The following DAB2 variants were observed in gnomAD, a reference collection of about 807,000 sequenced individuals.
The protein encoded by DAB2 is disabled homolog 2.
DAB2 carries 28 observed loss-of-function variants against 71.6 expected under a neutral mutation model. The observed-to-expected ratio is 0.39, with a 90% CI of 0.29 to 0.54. DAB2 has a LOEUF of 0.54. Ranked by LOEUF, DAB2 falls within the 20% of genes least tolerant of loss-of-function variation. The pLI is 0.68. For missense variants in DAB2, 867 were observed against 928.8 expected, an observed-to-expected ratio of 0.93 and a Z score of 0.86; for synonymous variants, 345 against 339.7, an observed-to-expected ratio of 1.02 and a Z score of -0.17.
intron 14 of DAB2, 98 bp downstream of exon 14, chr5:39,374,916 C>T (rs569644664): frequency 3.5e-4 from 271 of 783,774 alleles, no homozygotes; most frequent in Non-Finnish European, 4.9e-4. Flanking sequence ...AGATATTTAC[C>T]CTCTTCCCAA....
chr5:39,377,329 A>G (rs1754858641), intron 11 of DAB2, 47 bp from the exon 12 acceptor site: 2 of 1,557,768 alleles, frequency 1.3e-6, no homozygotes, highest in African/African-American at 1.4e-5. Flanking sequence ...AAGCTTGAAG[A>G]AGATTCTTGA....
At chr5:39,421,875 G>C (rs1176734803) in intron 1 of DAB2, among the ~76,000 whole-genome samples, 1 of 148,344 alleles carries the variant, frequency 6.7e-6, no homozygotes, top group Non-Finnish European at 1.5e-5. Context: ...TGGCCAACAT[G>C]GTGAAACCCC....
intron 1 of DAB2, among the ~76,000 whole-genome samples, chr5:39,411,673 G>A (rs1316896502): frequency 6.6e-6 from 1 of 152,182 alleles, no homozygotes; most frequent in African/African-American, 2.4e-5. Context: ...GCAAAGACAA[G>A]TCTTCTTTGA....
intron 1 of DAB2, among the ~76,000 whole-genome samples, chr5:39,398,298 G>A (rs968135852): frequency 1.3e-5 from 2 of 152,168 alleles, no homozygotes; most frequent in Non-Finnish European, 2.9e-5. Flanking sequence ...CGAATCTAGC[G>A]TTGGCAGACT....
intron 1 of DAB2, among the ~76,000 whole-genome samples, chr5:39,403,930 C>A (rs1755554926): frequency 6.6e-6 from 1 of 151,976 alleles, no homozygotes; most frequent in African/African-American, 2.4e-5. Flanking sequence ...TTGCTAGCTT[C>A]ATCCATGTCC....
At chr5:39,404,029 T>C (rs566483518) in intron 1 of DAB2, among the ~76,000 whole-genome samples, 3 of 152,204 alleles carry the variant, frequency 2.0e-5, no homozygotes, top group African/African-American at 7.2e-5. Context: ...TCTATCATTG[T>C]TGGACATTTG....
intron 1 of DAB2, among the ~76,000 whole-genome samples, chr5:39,401,285 T>A (rs868142474): frequency 1.2e-4 from 18 of 152,284 alleles, no homozygotes; most frequent in Middle Eastern, 6.8e-3. Context: ...CAAGCCCGAG[T>A]CAATGAGCTA....
chr5:39,401,319 G>A (rs1005473583), intron 1 of DAB2, among the ~76,000 whole-genome samples: 3 of 152,210 alleles, frequency 2.0e-5, no homozygotes, highest in African/African-American at 2.4e-5. Context: ...CATTTACAGC[G>A]AGGAGGTATC....
intron 1 of DAB2, among the ~76,000 whole-genome samples, chr5:39,415,490 G>A (rs781141653): frequency 2.0e-5 from 3 of 152,308 alleles, no homozygotes; most frequent in South Asian, 2.1e-4. Flanking sequence ...AACCAGACAT[G>A]TTCTGTGGCA....
chr5:39,391,588 C>T (rs759147897), intron 4 of DAB2, among the ~76,000 whole-genome samples: 2 of 151,948 alleles, frequency 1.3e-5, no homozygotes, highest in Non-Finnish European at 2.9e-5. Context: ...CTCACAGTAT[C>T]GTGATGCGAG....
chr5:39,422,739 A>G lies in DAB2; in HGVS notation c.-102+2065T>C, dbSNP rs1756019327. On this transcript the variant is annotated intron_variant, in intron 1 of 14. Coordinates refer to ENST00000320816, the MANE Select transcript of DAB2 (RefSeq NM_001343.4). This position sits in a 1 kb window ranked among gnomAD's most constrained non-coding sequence, Gnocchi z 4.1. ...GTCAGCAGCTGCCAGAGGTCCCTGT[A>G]CTACCTTCATGCCAACAAGTGCCTT... 6.6e-6 allele frequency among the ~76,000 whole-genome samples: 1 copy of G among 152,148 alleles called. No homozygotes were observed. Among genetic ancestry groups the G allele is most frequent in the African/African-American group, 2.4e-5 (1 of 41,424 alleles).
chr5:39,395,878 C>G (rs1306659291), intron 1 of DAB2, among the ~76,000 whole-genome samples: 2 of 148,304 alleles, frequency 1.3e-5, no homozygotes, highest in Non-Finnish European at 1.5e-5. Flanking sequence ...CATAGTAGTC[C>G]TGTGAGTATT....
intron 9 of DAB2, among the ~76,000 whole-genome samples, chr5:39,387,384 C>G (rs555830756): frequency 3.2e-4 from 48 of 152,252 alleles, no homozygotes; most frequent in Admixed American, 9.1e-4. Flanking sequence ...TCTAGAAACT[C>G]ACTCCTGCAG....
intron 1 of DAB2, among the ~76,000 whole-genome samples, chr5:39,406,576 AT>A (rs1489548567): frequency 1.3e-5 from 2 of 152,226 alleles, no homozygotes; most frequent in Non-Finnish European, 2.9e-5. Flanking sequence ...AAGGCTTGGT[AT>A]TTCTAGTTTT....
At chr5:39,424,456 GC>G (rs1237037589) in intron 1 of DAB2, among the ~76,000 whole-genome samples, 1 of 145,574 alleles carries the variant, frequency 6.9e-6, no homozygotes, top group African/African-American at 2.6e-5. Context: ...TAGGAGGGCT[GC>G]CCGCAGACCT....
At chr5:39,402,132 T>C (rs1755518397) in intron 1 of DAB2, among the ~76,000 whole-genome samples, 1 of 152,074 alleles carries the variant, frequency 6.6e-6, no homozygotes, top group Admixed American at 6.5e-5. Flanking sequence ...GAGAACAGTA[T>C]GGGGGAAACT....
chr5:39,395,477 T>C (rs780710126), intron 1 of DAB2, among the ~76,000 whole-genome samples: 1 of 152,244 alleles, frequency 6.6e-6, no homozygotes, highest in Non-Finnish European at 1.5e-5. Context: ...TGTCGTTTGT[T>C]AGATACTTAA....
intron 1 of DAB2, among the ~76,000 whole-genome samples, chr5:39,424,061 A>G (rs60805730): frequency 0.08 from 12,230 of 152,200 alleles, 1,328 homozygotes; most frequent in African/African-American, 0.25. Context: ...AGGGAAAGAC[A>G]GCAGAAACAA....
chr5:39,400,218 A>G (rs1427172941), intron 1 of DAB2, among the ~76,000 whole-genome samples: 2 of 151,986 alleles, frequency 1.3e-5, no homozygotes, highest in Non-Finnish European at 2.9e-5. Flanking sequence ...GGCCTATGAA[A>G]CAGAATGTGT....
Sources: gnomAD v4.1 joint callset for allele counts (sites outside exome capture counted in the v4.1 genomes callset) on GRCh38, gnomAD v4.1.1 for gene constraint, Gnocchi (gnomAD v3.1) non-coding constraint, MANE v1.5 for transcripts, NCBI Gene and HGNC (gene_info 2026-07-23, HGNC 2026-07-21) for gene names.